HS2ST1: variants seen among roughly 807,000 people sequenced by gnomAD.
HS2ST1 encodes heparan sulfate 2-O-sulfotransferase 1.
In HS2ST1, 18 loss-of-function variants were observed where a neutral mutation model predicts 42.9. The ratio of observed to expected loss-of-function variants is 0.42; its 90% CI spans 0.29 to 0.62. HS2ST1 has a LOEUF of 0.62. Ranked by LOEUF, HS2ST1 falls within the 20% of genes least tolerant of loss-of-function variation. The pLI is 0.21. For missense variants in HS2ST1, 334 were observed against 433.8 expected (o/e 0.77, Z 2.04); for synonymous variants, 146 against 152.9 (o/e 0.95, Z 0.33).
At chr1:87,024,916 A>T (rs1376089783) in intron 1 of HS2ST1, among the ~76,000 whole-genome samples, 2 of 152,240 alleles carry the variant, frequency 1.3e-5, no homozygotes, top group Non-Finnish European at 2.9e-5. Context: ...TGTTTATTAA[A>T]TGCCTATATA....
chr1:86,963,485 T>C (rs1047991924), intron 1 of HS2ST1, among the ~76,000 whole-genome samples: 5 of 152,230 alleles, frequency 3.3e-5, no homozygotes, highest in Admixed American at 6.5e-5. Context: ...GGTAAGGTCA[T>C]AGATCAACAG....
At chr1:87,070,104 G>A (rs1368652114) in intron 1 of HS2ST1, among the ~76,000 whole-genome samples, 1 of 152,070 alleles carries the variant, frequency 6.6e-6, no homozygotes, top group Admixed American at 6.6e-5. Flanking sequence ...TGTGTGAGTG[G>A]GTGAATCTTT....
At chr1:86,981,568 A>G (rs1365990035) in intron 1 of HS2ST1, among the ~76,000 whole-genome samples, 1 of 152,232 alleles carries the variant, frequency 6.6e-6, no homozygotes, top group Non-Finnish European at 1.5e-5. Context: ...CAAAGGGGCC[A>G]TAGGCTCCAT....
Position 87,107,570 on chromosome 1 carries a change from T to C in HS2ST1, c.*2874T>C, listed in dbSNP as rs919666732. ...CAGTATTTTGACCATAGGGAGATAA[T>C]TTTTTTATAATACAAAAGTAACCAC... On this transcript the variant is annotated 3_prime_UTR_variant, in exon 7 of 7. Transcript: ENST00000370550. 9 of 151,890 alleles carry C rather than the reference T, an allele frequency of 5.9e-5. No individual in the cohort carries two copies. The highest frequency in any genetic ancestry group is 2.2e-4 in the African/African-American group (9 of 41,516). The allele number at this position is 151,890 out of a possible 1,614,324, so 9.4% of individuals were successfully genotyped here.
chr1:86,919,729 G>T (rs1359673368), intron 1 of HS2ST1, among the ~76,000 whole-genome samples: 1 of 152,132 alleles, frequency 6.6e-6, no homozygotes. Flanking sequence ...AAGGATCACA[G>T]ATTTATAGTA....
chr1:86,988,633 G>A (rs1648858788), intron 1 of HS2ST1, among the ~76,000 whole-genome samples: 1 of 152,194 alleles, frequency 6.6e-6, no homozygotes, highest in African/African-American at 2.4e-5. Context: ...TTAATGAAAT[G>A]TTACAGCGAA....
chr1:86,993,712 T>C (rs1293206883), intron 1 of HS2ST1, among the ~76,000 whole-genome samples: 2 of 152,240 alleles, frequency 1.3e-5, no homozygotes, highest in African/African-American at 4.8e-5. Context: ...TAAAGTGTGC[T>C]GTACCTATCA....
At chr1:87,023,847 A>G (rs1019375835) in intron 1 of HS2ST1, among the ~76,000 whole-genome samples, 18 of 151,778 alleles carry the variant, frequency 1.2e-4, no homozygotes, top group African/African-American at 4.1e-4. Context: ...ACATTACTGC[A>G]TTTTCAGATT....
chr1:87,058,171 G>A (rs1651025569), intron 1 of HS2ST1, among the ~76,000 whole-genome samples: 1 of 151,612 alleles, frequency 6.6e-6, no homozygotes, highest in South Asian at 2.1e-4. Flanking sequence ...ATCAGTGCAG[G>A]AATCCTTTTT....
intron 1 of HS2ST1, among the ~76,000 whole-genome samples, chr1:87,064,736 C>T (rs1362607264): frequency 6.6e-6 from 1 of 152,198 alleles, no homozygotes; most frequent in Admixed American, 6.5e-5. Context: ...ACATGGCTCA[C>T]TGCAGCCTCA....
chr1:86,945,840 A>G (rs1647316952), intron 1 of HS2ST1, among the ~76,000 whole-genome samples: 1 of 152,172 alleles, frequency 6.6e-6, no homozygotes, highest in African/African-American at 2.4e-5. Flanking sequence ...AGGGCGAGGC[A>G]GGTGGATGGA....
Position 87,106,765 on chromosome 1 carries a change from A to G in HS2ST1, c.*2069A>G, listed in dbSNP as rs532560146. 6 of 152,152 alleles carry G rather than the reference A, an allele frequency of 3.9e-5. No homozygotes were observed. The highest frequency in any genetic ancestry group is 1.4e-4 in the African/African-American group (6 of 41,550). The allele number at this position is 152,152 out of a possible 1,614,324, so 9.4% of individuals were successfully genotyped here. A position where few individuals can be genotyped will look rare whatever the true frequency, so the allele number is the denominator to read the frequency against. ...TATACAAATTATTTCCTCGCCCAAA[A>G]TAAAGCACCACTTCAAGGTGTGGTT... On this transcript the variant is annotated 3_prime_UTR_variant, in exon 7 of 7. Transcript: ENST00000370550.
intron 1 of HS2ST1, among the ~76,000 whole-genome samples, chr1:86,991,720 A>G (rs1648957188): frequency 6.6e-6 from 1 of 152,192 alleles, no homozygotes; most frequent in African/African-American, 2.4e-5. Flanking sequence ...CTGTTTTCTC[A>G]TCTGCAAAAT....
intron 6 of HS2ST1, 94 bp from the exon 7 acceptor site, chr1:87,104,376 C>A: frequency 1.3e-6 from 1 of 773,396 alleles, no homozygotes; most frequent in Non-Finnish European, 2.2e-6. Flanking sequence ...CTTAATGTGT[C>A]ATATTAACCA....
In HS2ST1 at chr1:87,104,932, G is replaced by T. The variant is rs555340410; in HGVS notation, c.*236G>T. ...ACGTTGGTGAAAGTTATAACCTCCT[G>T]CCTGGGAGAAAATATACATCACCTA... On this transcript the variant is annotated 3_prime_UTR_variant, in exon 7 of 7. Coordinates refer to ENST00000370550, the MANE Select transcript of HS2ST1 (RefSeq NM_012262.4). 2.8e-4 allele frequency: 119 copies of T among 427,792 alleles called. No individual in the cohort carries two copies. In the East Asian group the frequency reaches 4.4e-3, roughly 16 times the overall value. 26.5% of individuals were successfully genotyped at this position (427,792 alleles called of 1,614,324 possible). A position where few individuals can be genotyped will look rare whatever the true frequency, so the allele number is the denominator to read the frequency against.
chr1:87,060,818 T>C (rs979370646), intron 1 of HS2ST1, among the ~76,000 whole-genome samples: 1 of 152,154 alleles, frequency 6.6e-6, no homozygotes, highest in Non-Finnish European at 1.5e-5. Flanking sequence ...ATAACTCATA[T>C]TCCTTTAACG....
intron 2 of HS2ST1, among the ~76,000 whole-genome samples, chr1:87,080,577 A>C (rs576435821): frequency 6.6e-6 from 1 of 152,200 alleles, no homozygotes; most frequent in African/African-American, 2.4e-5. Flanking sequence ...TTGAAAAACT[A>C]TCCACACAAA....
Position 87,104,734 on chromosome 1 carries a change from T to C in HS2ST1, c.*38T>C, listed in dbSNP as rs1358237146. ...ACTATTGGATTCTTGAACTAAAATT[T>C]GACCCTGTCTTCACCTTTGTTCTCA... On this transcript the variant is annotated 3_prime_UTR_variant, in exon 7 of 7. Coordinates refer to ENST00000370550, the MANE Select transcript of HS2ST1 (RefSeq NM_012262.4). 1.6e-6 allele frequency: 2 copies of C among 1,283,398 alleles called. No homozygotes were observed. Among genetic ancestry groups the C allele is most frequent in the Non-Finnish European group, 2.3e-6 (2 of 885,760 alleles). The allele number at this position is 1,283,398 out of a possible 1,614,324, so 79.5% of individuals were successfully genotyped here.
chr1:87,073,106 G>A lies in HS2ST1; in HGVS notation c.297G>A (p.Lys99=). Residue 99 remains lysine (K), a synonymous_variant, in exon 2 of 7, where the codon AAG becomes AAA. Coordinates refer to ENST00000370550, the MANE Select transcript of HS2ST1 (RefSeq NM_012262.4). ...ATATCGCCTATGACCTGTGTGCAAAGAATAAATACCATGTCCTTCATATCA... is the reference window on the plus strand; with the variant it reads ...ATATCGCCTATGACCTGTGTGCAAAAAATAAATACCATGTCCTTCATATCA... The part of the protein sequence containing the change: ...FTNIAYDLCA[K]NKYHVLHINT... 2 of 1,614,052 alleles carry A rather than the reference G, an allele frequency of 1.2e-6. No homozygotes were observed. Among genetic ancestry groups the A allele is most frequent in the Non-Finnish European group, 1.7e-6 (2 of 1,179,962 alleles).
Sources: allele counts gnomAD v4.1 joint callset (sites outside exome capture counted in the v4.1 genomes callset), GRCh38; gene constraint gnomAD v4.1.1; transcripts MANE v1.5; gene names NCBI Gene and HGNC (gene_info 2026-07-23, HGNC 2026-07-21).